The following EBF1 variants were observed in gnomAD, a reference collection of about 807,000 sequenced individuals.
EBF1 encodes the protein EBF transcription factor 1.
Under a neutral mutation model 68.4 loss-of-function variants are expected in EBF1, and 10 were observed. The ratio of observed to expected loss-of-function variants is 0.15; its 90% CI spans 0.09 to 0.25. The LOEUF (loss-of-function observed/expected upper bound fraction) is 0.25, where lower values mean the gene tolerates loss of function less well. Among genes scored for constraint, EBF1 ranks in the 10% least tolerant of loss-of-function variants. The pLI is 1.00. For missense variants in EBF1, 509 were observed against 794.4 expected (o/e 0.64, Z 4.32); for synonymous variants, 298 against 299.8 (o/e 0.99, Z 0.06).
intron 6 of EBF1, among the ~76,000 whole-genome samples, chr5:159,027,417 G>T (rs1034028934): frequency 6.6e-6 from 1 of 152,094 alleles, no homozygotes; most frequent in African/African-American, 2.4e-5. Context: ...ACCAGGTTAG[G>T]CTGCCCTAAC....
intron 6 of EBF1, among the ~76,000 whole-genome samples, chr5:158,952,011 T>G (rs1217396534): frequency 6.6e-6 from 1 of 150,716 alleles, no homozygotes; most frequent in African/African-American, 2.4e-5. Flanking sequence ...CACTCAGGAG[T>G]TTTTCATCCT....
chr5:159,031,958 G>T (rs781689580), intron 6 of EBF1, among the ~76,000 whole-genome samples: 11 of 152,088 alleles, frequency 7.2e-5, no homozygotes, highest in Non-Finnish European at 1.3e-4. Flanking sequence ...GTCTTCGAAG[G>T]AATTTTAATG....
chr5:159,035,905 C>A (rs1280525835), intron 6 of EBF1, among the ~76,000 whole-genome samples: 2 of 152,182 alleles, frequency 1.3e-5, no homozygotes, highest in Non-Finnish European at 2.9e-5. Flanking sequence ...TTGAACTTTA[C>A]CATTAAAAGA....
intron 10 of EBF1, among the ~76,000 whole-genome samples, chr5:158,738,280 C>T (rs907272653): frequency 2.6e-5 from 4 of 152,134 alleles, no homozygotes; most frequent in Non-Finnish European, 5.9e-5. Flanking sequence ...CCAAAATTTT[C>T]ACTGACTTAA....
chr5:158,840,637 T>C (rs1790025957), intron 6 of EBF1, among the ~76,000 whole-genome samples: 1 of 135,518 alleles, frequency 7.4e-6, no homozygotes, highest in African/African-American at 2.7e-5. Flanking sequence ...ACTTCTCAAA[T>C]ACCTCCTGTT....
intron 8 of EBF1, among the ~76,000 whole-genome samples, chr5:158,817,236 C>T (rs1307659038): frequency 2.1e-5 from 3 of 145,536 alleles, no homozygotes; most frequent in South Asian, 4.4e-4. Context: ...GTTTCCTATA[C>T]CTGGCAATTT....
At chr5:158,883,943 A>AAGCACATAGCAAACTC (rs1297833195) in intron 6 of EBF1, among the ~76,000 whole-genome samples, 3 of 152,196 alleles carry the variant, frequency 2.0e-5, no homozygotes, top group Admixed American at 2.0e-4. Context: ...AAAAGTTAGG[A>AAGCACATAGCAAACTC]AGCACATAGC....
chr5:158,877,357 G>A (rs1797999010), intron 6 of EBF1, among the ~76,000 whole-genome samples: 1 of 152,168 alleles, frequency 6.6e-6, no homozygotes, highest in African/African-American at 2.4e-5. Flanking sequence ...GGCGAGCAGA[G>A]GCACAGTATG....
At chr5:158,833,493 C>T (rs1788061956) in intron 7 of EBF1, among the ~76,000 whole-genome samples, 1 of 152,152 alleles carries the variant, frequency 6.6e-6, no homozygotes. Context: ...TCTTCATGGG[C>T]TGCACAGCTA....
chr5:158,879,116 T>G (rs1798349046), intron 6 of EBF1, among the ~76,000 whole-genome samples: 1 of 152,238 alleles, frequency 6.6e-6, no homozygotes, highest in Admixed American at 6.5e-5. Flanking sequence ...CCACTCTGCC[T>G]TATTATCATC....
At chr5:158,773,215 G>A (rs558516599) in intron 10 of EBF1, among the ~76,000 whole-genome samples, 1 of 152,240 alleles carries the variant, frequency 6.6e-6, no homozygotes, top group African/African-American at 2.4e-5. Flanking sequence ...AGTAAAAGAT[G>A]TCAAGTTCCA....
At chr5:158,855,437 C>A (rs1422312237) in intron 6 of EBF1, among the ~76,000 whole-genome samples, 1 of 152,208 alleles carries the variant, frequency 6.6e-6, no homozygotes, top group Admixed American at 6.5e-5. Flanking sequence ...TGATTAGTGG[C>A]AGCCTCTAGT....
In EBF1 at chr5:159,022,705, G is replaced by T. The variant is rs554130728; in HGVS notation, c.554+50691C>A. ...GGACTGAAAAAGGAGTCTTTTTTTT[G>T]AAAACCAGCCGCTGGGATAAGAACA... On this transcript the variant is annotated intron_variant, in intron 6 of 15. Transcript: ENST00000313708. 4.4e-4 allele frequency among the ~76,000 whole-genome samples: 67 copies of T among 151,752 alleles called. No homozygotes were observed. The South Asian group carries it at 0.013, about 29-fold the overall frequency.
chr5:158,823,799 A>G (rs1785392359), intron 7 of EBF1, among the ~76,000 whole-genome samples: 1 of 152,130 alleles, frequency 6.6e-6, no homozygotes, highest in South Asian at 2.1e-4. Context: ...TCTCTCCTGG[A>G]TGTCTTTTTG....
chr5:158,895,067 C>CCAATTTGGTAAATTGGTCCAAAA (rs1801904670), intron 6 of EBF1, among the ~76,000 whole-genome samples: 1 of 152,154 alleles, frequency 6.6e-6, no homozygotes, highest in Non-Finnish European at 1.5e-5. Flanking sequence ...CTATAAGAAT[C>CCAATTTGGTAAATTGGTCCAAAA]TTGTCCAAAT....
chr5:158,765,144 C>T (rs1321733097), intron 10 of EBF1, among the ~76,000 whole-genome samples: 4 of 152,108 alleles, frequency 2.6e-5, no homozygotes, highest in African/African-American at 7.2e-5. Context: ...TGCTTTGATG[C>T]TAGTAATTTT....
intron 6 of EBF1, among the ~76,000 whole-genome samples, chr5:159,024,400 C>T (rs946320087): frequency 6.6e-5 from 10 of 152,160 alleles, no homozygotes; most frequent in Admixed American, 2.6e-4. Context: ...TCCAATTTTA[C>T]GGCCCTTGCT....
At chr5:158,890,092 A>G (rs902996616) in intron 6 of EBF1, among the ~76,000 whole-genome samples, 1 of 152,194 alleles carries the variant, frequency 6.6e-6, no homozygotes, top group Non-Finnish European at 1.5e-5. Flanking sequence ...AAGGACAACT[A>G]TAATAATATC....
chr5:159,030,975 C>T (rs1333007074), intron 6 of EBF1, among the ~76,000 whole-genome samples: 3 of 152,126 alleles, frequency 2.0e-5, no homozygotes, highest in Non-Finnish European at 4.4e-5. Flanking sequence ...GAGTTCAAGA[C>T]CAGCCTGGCC....
Sources: gnomAD v4.1 joint callset for allele counts (sites outside exome capture counted in the v4.1 genomes callset) on GRCh38, gnomAD v4.1.1 for gene constraint, MANE v1.5 for transcripts, NCBI Gene and HGNC (gene_info 2026-07-23, HGNC 2026-07-21) for gene names.